The following LARS1 variants were observed in gnomAD, a reference collection of about 807,000 sequenced individuals.
LARS1 encodes the protein leucine--tRNA ligase, cytoplasmic.
In LARS1, 100 loss-of-function variants were observed where a neutral mutation model predicts 162.8. That is an observed-to-expected ratio of 0.61 (90% confidence interval 0.52 to 0.73). The LOEUF is 0.73. LARS1 is among the 30% of genes least tolerant of loss of function. The pLI, the probability that LARS1 is intolerant of heterozygous loss-of-function variation, is 0.00. For missense variants in LARS1, 1,258 were observed against 1,408.9 expected, an observed-to-expected ratio of 0.89 and a Z score of 1.71; for synonymous variants, 457 against 462.8, an observed-to-expected ratio of 0.99 and a Z score of 0.16.
intron 15 of LARS1, among the ~76,000 whole-genome samples, chr5:146,145,421 GA>G (rs71581860): frequency 0.23 from 33,720 of 146,804 alleles, 4,806 homozygotes; most frequent in Admixed American, 0.34. Flanking sequence ...TACTGCTTAA[GA>G]AAAAAAAAAG....
chr5:146,120,002 C>A (rs542936108), intron 31 of LARS1, among the ~76,000 whole-genome samples: 7 of 152,186 alleles, frequency 4.6e-5, no homozygotes, highest in Non-Finnish European at 1.0e-4. Context: ...AAGGAACAGA[C>A]CTGCTGGACA....
At chr5:146,146,833 CCTCCCGAATAG>C (rs892196162) in intron 15 of LARS1, among the ~76,000 whole-genome samples, 2 of 151,698 alleles carry the variant, frequency 1.3e-5, no homozygotes, top group Admixed American at 1.3e-4. Flanking sequence ...CATGCCTCAG[CCTCCCGAATAG>C]CTGGAATTAG....
chr5:146,179,627 C>A (rs924221229), intron 1 of LARS1: 4 of 411,386 alleles, frequency 9.7e-6, no homozygotes, highest in South Asian at 1.7e-5. Flanking sequence ...GAGAGAGGGT[C>A]TCCCTCTGCC....
intron 25 of LARS1, among the ~76,000 whole-genome samples, chr5:146,129,331 T>A (rs1396901354): frequency 2.0e-5 from 3 of 152,158 alleles, no homozygotes; most frequent in Admixed American, 1.3e-4. Context: ...TTAATTAGCA[T>A]CCATTTGTAC....
At chr5:146,150,633 A>AAACAAAAC (rs1753233939) in intron 14 of LARS1, among the ~76,000 whole-genome samples, 1 of 150,992 alleles carries the variant, frequency 6.6e-6, no homozygotes, top group Admixed American at 6.6e-5. Context: ...TCTCAAAAAA[A>AAACAAAAC]AAAAAAAAAA....
intron 8 of LARS1, among the ~76,000 whole-genome samples, chr5:146,158,680 T>C (rs1450150324): frequency 6.6e-6 from 1 of 152,212 alleles, no homozygotes; most frequent in Non-Finnish European, 1.5e-5. Context: ...AATCTGTGTA[T>C]ATCAAATCTT....
At chr5:146,150,928 G>A (rs1753253261) in intron 14 of LARS1, among the ~76,000 whole-genome samples, 1 of 136,268 alleles carries the variant, frequency 7.3e-6, no homozygotes, top group East Asian at 2.2e-4. Flanking sequence ...GACAGAGCAA[G>A]ACTCCGTCAG....
intron 31 of LARS1, among the ~76,000 whole-genome samples, chr5:146,115,332 C>T (rs1447435607): frequency 6.6e-6 from 1 of 151,982 alleles, no homozygotes; most frequent in Non-Finnish European, 1.5e-5. Context: ...AGAATTGTAG[C>T]TTTTCTCAGA....
intron 10 of LARS1, among the ~76,000 whole-genome samples, chr5:146,154,454 C>A (rs2963914): frequency 0.6 from 91,288 of 152,116 alleles, 28,038 homozygotes; most frequent in Middle Eastern, 0.79. Context: ...AAACATATTG[C>A]GTACCATAAA....
In LARS1 at chr5:146,122,476, G is replaced by A. The variant is rs767629718; in HGVS notation, c.3192+16C>T. The A allele has an allele frequency of 1.4e-6, 2 of 1,388,116 alleles. No individual in the cohort carries two copies. The highest frequency in any genetic ancestry group is 1.2e-5 in the South Asian group (1 of 84,348). 86.0% of individuals were successfully genotyped at this position (1,388,116 alleles called of 1,614,324 possible). On this transcript the variant is annotated intron_variant, in intron 30 of 31. Transcript: ENST00000394434. ...GTTTTAAAATGCAATGATTCAGTGA[G>A]ATTCCTTCAACTTACTTCTATTCTA...
At chr5:146,157,372 A>G (rs1164391993) in intron 10 of LARS1, 31 bp downstream of exon 10, 1 of 1,578,500 alleles carries the variant, frequency 6.3e-7, no homozygotes, top group Non-Finnish European at 8.7e-7. Context: ...AAATTTACGC[A>G]TTAAAATAAA....
Position 146,144,693 on chromosome 5 carries a change from T to A in LARS1, c.1520A>T (p.Tyr507Phe). 6.2e-7 allele frequency: 1 copy of A among 1,613,844 alleles called. No homozygotes were observed. The highest frequency in any genetic ancestry group is 1.1e-5 in the South Asian group (1 of 91,086). ...CATCACTTGTTTCTCTGGTTCCATG[T>A]AAATAAGTGCATCTCCCTAAAGGAA... is the stretch of plus-strand genomic sequence containing the variant. ...KMIDAGDALIYMEPEKQVMSR... is the reference protein window; with the variant it reads ...KMIDAGDALIFMEPEKQVMSR... The change falls in exon 16 of 32, where the codon TAC (tyrosine) becomes TTC (phenylalanine). Residue 507 changes from tyrosine (Y) to phenylalanine (F), a missense_variant. Transcript: ENST00000394434.
intron 18 of LARS1, 146 bp from the exon 19 acceptor site, chr5:146,143,696 T>C (rs894803031): frequency 1.2e-6 from 1 of 820,428 alleles, no homozygotes; most frequent in Non-Finnish European, 1.8e-6. Context: ...AAAAATAAAA[T>C]TGTAGATAAA....
Position 146,151,997 on chromosome 5 carries a change from T to C in LARS1, c.1290A>G (p.Pro430=), listed in dbSNP as rs1482092205. 2 of 1,613,942 alleles carry C rather than the reference T, an allele frequency of 1.2e-6. No individual in the cohort carries two copies. The highest frequency in any genetic ancestry group is 2.2e-5 in the East Asian group (1 of 44,880). Residue 430 remains proline (P), a synonymous_variant, in exon 14 of 32, where the codon CCA becomes CCG. Transcript: ENST00000394434. ...DDMVLPFEPV[P]VIEIPGFGNL... is the part of the protein sequence containing the mutation. Reference sequence around the variant, plus strand: ...TTCCAAAACCTGGGATTTCAATGACTGGCACCTGCAGCAAACAGCAATCAG... The same window carrying C: ...TTCCAAAACCTGGGATTTCAATGACCGGCACCTGCAGCAAACAGCAATCAG...
Position 146,144,633 on chromosome 5 carries a change from C to G in LARS1, c.1580G>C (p.Cys527Ser), listed in dbSNP as rs1467393657. 2 of 1,614,054 alleles carry G rather than the reference C, an allele frequency of 1.2e-6. No individual in the cohort carries two copies. The highest frequency in any genetic ancestry group is 1.7e-6 in the Non-Finnish European group (2 of 1,180,004). ...GCTATAAGAGACTAACCACTGGTCACACAGAGCCACAACACATTCATCTGA... is the reference window on the plus strand; with the variant it reads ...GCTATAAGAGACTAACCACTGGTCAGACAGAGCCACAACACATTCATCTGA... ...RSSDECVVAL[C>S]DQWYLDYGEE... The change falls in exon 16 of 32, where the codon TGT becomes TCT. Residue 527 changes from cysteine to serine, a missense_variant. By Grantham distance (112) the Cys-to-Ser change is moderately radical (BLOSUM62 -1). Coordinates refer to ENST00000394434, the MANE Select transcript of LARS1 (RefSeq NM_020117.11).
Position 146,133,091 on chromosome 5 carries a change from G to GA in LARS1, c.2213-11dup, listed in dbSNP as rs753399472. 123 of 1,593,868 alleles carry GA rather than the reference G, an allele frequency of 7.7e-5. No homozygotes were observed. Among genetic ancestry groups the GA allele is most frequent in the African/African-American group, 1.8e-4 (13 of 73,478 alleles). ...AGAGCCAAACGCATTCCTGGAAGAA[G>GA]AAAAAAAAATTCAATGCATTAAAAA... On this transcript the variant is annotated splice_polypyrimidine_tract_variant and intron_variant, in intron 22 of 31. Transcript: ENST00000394434.
rs1561792046 is a variant in LARS1, at chr5:146,115,064, A to AAAAAC, written c.3326-754_3326-753insGTTTT. 2.4e-4 allele frequency among the ~76,000 whole-genome samples: 36 copies of AAAAAC among 151,608 alleles called. 1 individual carries two copies. The highest frequency in any genetic ancestry group is 8.7e-4 in the African/African-American group (36 of 41,322). On this transcript the variant is annotated intron_variant, in intron 31 of 31. Coordinates refer to ENST00000394434, the MANE Select transcript of LARS1 (RefSeq NM_020117.11). Reference sequence around the variant, plus strand: ...TCGGGGGGAAAAAAAAAAAAAAAAAAAAACAATCCCAGGAGCAAAGCTAAA... The same window carrying AAAAAC: ...TCGGGGGGAAAAAAAAAAAAAAAAAAAAAACAAACAATCCCAGGAGCAAAGCTAAA...
chr5:146,128,116 G>A (rs1228692947), intron 27 of LARS1, among the ~76,000 whole-genome samples: 2 of 152,056 alleles, frequency 1.3e-5, no homozygotes, highest in Non-Finnish European at 2.9e-5. Context: ...GGAAAACTTA[G>A]ATCTAAGTTA....
Position 146,171,926 on chromosome 5 carries a change from G to A in LARS1, c.278C>T (p.Thr93Ile). ...CGATCTTACCTTAATAGGCATTCCA[G>A]TACAGTGCAGGCCAAAGGGAAACAG... ...CCLFPFGLHCTGMPIKACADK... is the reference protein window; with the variant it reads ...CCLFPFGLHCIGMPIKACADK... The change falls in exon 4 of 32, where the codon ACT (threonine) becomes ATT (isoleucine). Residue 93 changes from threonine (T) to isoleucine (I), a missense_variant. Physicochemically the swap from Thr to Ile is moderately conservative, Grantham distance 89. Transcript: ENST00000394434. The A allele has an allele frequency of 2.5e-6, 4 of 1,613,472 alleles. No individual in the cohort carries two copies. The highest frequency in any genetic ancestry group is 3.4e-6 in the Non-Finnish European group (4 of 1,179,496).
Sources: gnomAD v4.1 joint callset for allele counts (sites outside exome capture counted in the v4.1 genomes callset) on GRCh38, gnomAD v4.1.1 for gene constraint, MANE v1.5 for transcripts, NCBI Gene and HGNC (gene_info 2026-07-23, HGNC 2026-07-21) for gene names.